Variants in SHANK2 observed in about 807,000 individuals in gnomAD.
The protein encoded by SHANK2 is SH3 and multiple ankyrin repeat domains 2.
In SHANK2, 43 loss-of-function variants were observed where a neutral mutation model predicts 133.7. That is an observed-to-expected ratio of 0.32 (90% CI 0.25 to 0.41). The LOEUF is 0.41. SHANK2 is among the 10% of genes least tolerant of loss of function. The pLI is 1.00. For missense variants in SHANK2, 1,994 were observed against 2,235.8 expected (o/e 0.89, Z 2.18); for synonymous variants, 1,017 against 952.8 (o/e 1.07, Z -1.24).
chr11:71,094,782 G>C, intron 6 of SHANK2, 94 bp from the exon 7 acceptor site: 2 of 1,323,540 alleles, frequency 1.5e-6, no homozygotes, highest in Non-Finnish European at 2.1e-6. Flanking sequence ...TGAAAGAACT[G>C]ACTCCCCTCC....
At chr11:71,120,098 G>T (rs1381231990) in intron 3 of SHANK2, among the ~76,000 whole-genome samples, 1 of 152,154 alleles carries the variant, frequency 6.6e-6, no homozygotes, top group Non-Finnish European at 1.5e-5. Flanking sequence ...AAGTTAAATA[G>T]TGTCAACAGG....
At chr11:70,541,372 C>T (rs117319632) in intron 17 of SHANK2, among the ~76,000 whole-genome samples, 1 of 152,362 alleles carries the variant, frequency 6.6e-6, no homozygotes, top group East Asian at 1.9e-4. Context: ...CACCAACCAT[C>T]CTTGGCTTCA....
intron 2 of SHANK2, among the ~76,000 whole-genome samples, chr11:71,148,084 GTTTT>G (rs200702145): frequency 4.3e-5 from 6 of 140,412 alleles, no homozygotes; most frequent in African/African-American, 1.0e-4. Flanking sequence ...AAGGCTTCTT[GTTTT>G]TTTTTTTTTT....
Position 70,661,890 on chromosome 11 carries a change from G to A in SHANK2, c.1854-212C>T. ...GGGATAGGCGAGCGTGGCACAATGAGACTTGCAGGGTGGGGGCAGGCAGAG... is the reference window on the plus strand; with the variant it reads ...GGGATAGGCGAGCGTGGCACAATGAAACTTGCAGGGTGGGGGCAGGCAGAG... On this transcript the variant is annotated intron_variant, in intron 15 of 25. Transcript: ENST00000601538. 6 of 1,352,996 alleles carry A rather than the reference G, an allele frequency of 4.4e-6. 1 individual carries two copies. Among genetic ancestry groups the A allele is most frequent in the South Asian group, 3.5e-5 (3 of 84,920 alleles). 83.8% of individuals were successfully genotyped at this position (1,352,996 alleles called of 1,614,324 possible). A position where few individuals can be genotyped will look rare whatever the true frequency, so the allele number is the denominator to read the frequency against.
At chr11:70,644,828 G>A (rs984546752) in intron 17 of SHANK2, among the ~76,000 whole-genome samples, 2 of 152,164 alleles carry the variant, frequency 1.3e-5, no homozygotes, top group Non-Finnish European at 2.9e-5. Flanking sequence ...TGCCAAGACC[G>A]ACACCTGTGC....
chr11:70,813,844 G>A (rs528196603), intron 12 of SHANK2, among the ~76,000 whole-genome samples: 2 of 152,268 alleles, frequency 1.3e-5, no homozygotes, highest in South Asian at 2.1e-4. Flanking sequence ...TGTGCGTCTC[G>A]GGCCTGAGGG....
intron 14 of SHANK2, among the ~76,000 whole-genome samples, chr11:70,770,249 T>A (rs1947217584): frequency 6.6e-6 from 1 of 152,190 alleles, no homozygotes; most frequent in South Asian, 2.1e-4. Flanking sequence ...GCCTCTGGTG[T>A]CCTCCTGGGA....
rs782191560 is a variant in SHANK2 at position 70,490,346 on chromosome 11, A to G, written c.2481T>C (p.Thr827=). 5 of 1,614,106 alleles carry G rather than the reference A, an allele frequency of 3.1e-6. No individual in the cohort carries two copies. In the South Asian group the frequency reaches 3.3e-5, roughly 11 times the overall value. The change falls in exon 23 of 26, where the codon ACT becomes ACC. Residue 827 remains threonine, a synonymous_variant. Transcript: ENST00000601538. The part of the protein sequence containing the change: ...ERQGIAVMTP[T]VPGSPKAPFL... Reference sequence around the variant, plus strand: ...ACGGGGCTTTTGGGCTCCCAGGAACAGTGGGCGTCATCACGGCGATTCCTT... The same window carrying G: ...ACGGGGCTTTTGGGCTCCCAGGAACGGTGGGCGTCATCACGGCGATTCCTT...
intron 14 of SHANK2, among the ~76,000 whole-genome samples, chr11:70,791,709 C>T (rs1207629467): frequency 6.6e-6 from 1 of 152,164 alleles, no homozygotes; most frequent in Non-Finnish European, 1.5e-5. Context: ...ACCAGGATCA[C>T]CACCCTGATC....
intron 1 of SHANK2, among the ~76,000 whole-genome samples, chr11:71,250,441 A>G (rs1555125649): frequency 2.0e-5 from 3 of 152,186 alleles, no homozygotes; most frequent in Non-Finnish European, 4.4e-5. Flanking sequence ...GCCCCCTCAG[A>G]GGACAGTGAC....
chr11:70,824,717 T>C (rs992256591), intron 11 of SHANK2, among the ~76,000 whole-genome samples: 30 of 152,124 alleles, frequency 2.0e-4, no homozygotes, highest in African/African-American at 7.0e-4. Context: ...AAAAACCTTG[T>C]AGATCACTGA....
intron 14 of SHANK2, among the ~76,000 whole-genome samples, chr11:70,728,345 G>A (rs531582934): frequency 6.6e-5 from 10 of 152,342 alleles, no homozygotes; most frequent in Admixed American, 3.9e-4. Context: ...GCCAGAGGCC[G>A]GATCCGAGGC....
chr11:70,595,401 C>T (rs553162220), intron 17 of SHANK2, among the ~76,000 whole-genome samples: 11 of 152,360 alleles, frequency 7.2e-5, no homozygotes, highest in Middle Eastern at 6.8e-3. Flanking sequence ...ATTTATAAAG[C>T]GACTGAGGCT....
Position 70,485,829 on chromosome 11 carries a change from G to T in SHANK2, c.4464C>A (p.Asp1488Glu). ...GGCTGTCCACCTCCTCGATCCCAGA[G>T]TCGGCGACGGCGTCAAAGCTTTCAG... ...PPPESFDAVA[D>E]SGIEEVDSRS... The change falls in exon 25 of 26, where the codon GAC becomes GAA. Residue 1488 changes from aspartate to glutamate, a missense_variant. Physicochemically the swap from Asp to Glu is conservative, Grantham distance 45. Transcript: ENST00000601538. This position sits in a 1 kb window ranked among gnomAD's most constrained non-coding sequence, Gnocchi z 5.8. 1 of 1,614,024 alleles carries T rather than the reference G, an allele frequency of 6.2e-7. No homozygotes were observed. Among genetic ancestry groups the T allele is most frequent in the Non-Finnish European group, 8.5e-7 (1 of 1,180,034 alleles).
chr11:70,764,558 T>C (rs1377911444), intron 14 of SHANK2, among the ~76,000 whole-genome samples: 1 of 137,600 alleles, frequency 7.3e-6, no homozygotes, highest in South Asian at 2.6e-4. Flanking sequence ...TCCATCCACC[T>C]ATCTACCCAC....
At chr11:70,669,896 T>C (rs1287970861) in intron 15 of SHANK2, among the ~76,000 whole-genome samples, 1 of 152,198 alleles carries the variant, frequency 6.6e-6, no homozygotes. Flanking sequence ...GATCAGTGTA[T>C]CACTCACGGC....
intron 15 of SHANK2, among the ~76,000 whole-genome samples, chr11:70,690,132 TGAGA>T (rs782354111): frequency 6.6e-6 from 1 of 152,130 alleles, no homozygotes; most frequent in African/African-American, 2.4e-5. Context: ...CGTCGTGTAC[TGAGA>T]GCTGGAGTTC....
chr11:71,248,993 T>C (rs1293140202), intron 1 of SHANK2, among the ~76,000 whole-genome samples: 1 of 152,114 alleles, frequency 6.6e-6, no homozygotes, highest in Non-Finnish European at 1.5e-5. Context: ...CAGCAGGCCC[T>C]CAGATGATTA....
At position 70,500,791 on chromosome 11, in the gene SHANK2, C is replaced by T. The variant is rs1555158302; in HGVS notation, c.2288-201G>A. The T allele has an allele frequency of 2.7e-6, 2 of 742,416 alleles. No homozygotes were observed. Among genetic ancestry groups the T allele is most frequent in the East Asian group, 2.7e-5 (1 of 37,332 alleles). The allele number at this position is 742,416 out of a possible 1,614,324, so 46.0% of individuals were successfully genotyped here. ...TTTCCCCAAACCTTGGCTGCCCGCA[C>T]AACTCTGTCCTGTCTGCCCTGCTCG... is the stretch of plus-strand genomic sequence containing the variant. On this transcript the variant is annotated intron_variant, in intron 20 of 25. Coordinates refer to ENST00000601538, the MANE Select transcript of SHANK2 (RefSeq NM_012309.5). This position sits in a 1 kb window ranked among gnomAD's most constrained non-coding sequence, Gnocchi z 4.5.
Sources: allele counts gnomAD v4.1 joint callset (sites outside exome capture counted in the v4.1 genomes callset), GRCh38; gene constraint gnomAD v4.1.1; non-coding constraint Gnocchi (gnomAD v3.1); transcripts MANE v1.5; gene names NCBI Gene and HGNC (gene_info 2026-07-23, HGNC 2026-07-21).